SLC8A1: variants seen among roughly 807,000 people sequenced by gnomAD.
SLC8A1 encodes the protein solute carrier family 8 member A1, also known as sodium/calcium exchanger 1.
A neutral mutation model predicts 68.3 loss-of-function variants in SLC8A1; 18 were observed. The ratio of observed to expected loss-of-function variants is 0.26; its 90% confidence interval spans 0.18 to 0.39. The LOEUF (loss-of-function observed/expected upper bound fraction) is 0.39, where lower values mean the gene tolerates loss of function less well. Ranked by LOEUF, SLC8A1 falls within the 10% of genes least tolerant of loss-of-function variation. SLC8A1 has a pLI of 1.00. For synonymous variants in SLC8A1, 475 were observed against 415.5 expected (o/e 1.14, Z -1.74); for missense variants, 985 against 1,156.7 (o/e 0.85, Z 2.15).
chr2:40,244,342 A>T (rs887328738), intron 2 of SLC8A1, among the ~76,000 whole-genome samples: 1 of 152,012 alleles, frequency 6.6e-6, no homozygotes, highest in African/African-American at 2.4e-5. Context: ...TTCCACATCT[A>T]TTATCTCTTT....
chr2:40,127,066 C>G (rs1008378067), intron 7 of SLC8A1, among the ~76,000 whole-genome samples: 2 of 152,084 alleles, frequency 1.3e-5, no homozygotes, highest in Non-Finnish European at 2.9e-5. Flanking sequence ...GGAGGAAAAA[C>G]CACTTGAAAA....
intron 2 of SLC8A1, among the ~76,000 whole-genome samples, chr2:40,257,346 A>C (rs1320619782): frequency 6.6e-6 from 1 of 152,084 alleles, no homozygotes; most frequent in Admixed American, 6.6e-5. Flanking sequence ...GATGGTCCCA[A>C]ATCAGAGGAA....
At chr2:40,269,237 T>C (rs761021280) in intron 2 of SLC8A1, among the ~76,000 whole-genome samples, 3 of 152,218 alleles carry the variant, frequency 2.0e-5, no homozygotes, top group Non-Finnish European at 2.9e-5. Context: ...TATAATAACA[T>C]AGCTTATTCT....
intron 2 of SLC8A1, among the ~76,000 whole-genome samples, chr2:40,416,574 A>G (rs1693956197): frequency 6.6e-6 from 1 of 152,142 alleles, no homozygotes; most frequent in African/African-American, 2.4e-5. Context: ...TTGAGATGGA[A>G]GAAAACCCAT....
chr2:40,424,582 G>A (rs897438274), intron 2 of SLC8A1, among the ~76,000 whole-genome samples: 1 of 151,754 alleles, frequency 6.6e-6, no homozygotes, highest in Non-Finnish European at 1.5e-5. Context: ...AGTTAATGAA[G>A]TTACAACTAC....
chr2:40,244,975 A>G (rs2061670256), intron 2 of SLC8A1, among the ~76,000 whole-genome samples: 1 of 152,176 alleles, frequency 6.6e-6, no homozygotes, highest in Non-Finnish European at 1.5e-5. Context: ...TAGGAAATCA[A>G]AAACCATTTG....
intron 2 of SLC8A1, among the ~76,000 whole-genome samples, chr2:40,212,677 A>G (rs557844978): frequency 1.7e-4 from 26 of 152,208 alleles, no homozygotes; most frequent in Non-Finnish European, 3.1e-4. Context: ...CACCTCAAAG[A>G]AAGCAAGATG....
intron 1 of SLC8A1, among the ~76,000 whole-genome samples, chr2:40,466,906 C>T (rs1703706438): frequency 6.8e-6 from 1 of 147,784 alleles, no homozygotes; most frequent in South Asian, 2.1e-4. Flanking sequence ...GCCAAGAGAG[C>T]ATTAAATATA....
chr2:40,273,238 G>C (rs112679410), intron 2 of SLC8A1, among the ~76,000 whole-genome samples: 7,195 of 151,696 alleles, frequency 0.047, 538 homozygotes, highest in African/African-American at 0.16. Context: ...ACCATGCCTG[G>C]CCCTCCAAAT....
intron 2 of SLC8A1, among the ~76,000 whole-genome samples, chr2:40,321,466 C>G (rs78698959): frequency 6.6e-6 from 1 of 152,064 alleles, no homozygotes; most frequent in Non-Finnish European, 1.5e-5. Flanking sequence ...TGGGTCCTTA[C>G]TATCTGTATT....
At chr2:40,117,443 T>C (rs2035722076) in intron 7 of SLC8A1, among the ~76,000 whole-genome samples, 1 of 140,114 alleles carries the variant, frequency 7.1e-6, no homozygotes, top group African/African-American at 2.6e-5. Context: ...TACACACCTG[T>C]AATCCCAGCT....
intron 2 of SLC8A1, among the ~76,000 whole-genome samples, chr2:40,229,743 A>C (rs1371005267): frequency 6.6e-6 from 1 of 152,152 alleles, no homozygotes; most frequent in Non-Finnish European, 1.5e-5. Flanking sequence ...AGCCAGGCAA[A>C]ATTCGTGTGC....
chr2:40,456,094 A>T (rs1186890074), upstream of SLC8A1, among the ~76,000 whole-genome samples: 1 of 152,138 alleles, frequency 6.6e-6, no homozygotes. Context: ...AGGCGGGTGG[A>T]TCACGAGGTC....
intron 7 of SLC8A1, among the ~76,000 whole-genome samples, chr2:40,125,907 C>T (rs2037985074): frequency 1.3e-5 from 2 of 152,076 alleles, no homozygotes; most frequent in South Asian, 4.1e-4. Context: ...TTAAATATCT[C>T]TTATTTTTAT....
Position 40,290,802 on chromosome 2 carries a change from A to T in SLC8A1, c.1809-112947T>A, listed in dbSNP as rs565984665. Among the ~76,000 whole-genome samples, 6 of 152,282 alleles carry T rather than the reference A, an allele frequency of 3.9e-5. No homozygotes were observed. In the South Asian group the frequency reaches 1.2e-3, roughly 32 times the overall value. On this transcript the variant is annotated intron_variant, in intron 2 of 7. Coordinates refer to ENST00000406785, the Ensembl canonical transcript of SLC8A1. ...TTAGATGTTTGGAAGTCCTATATGCATATCCCATATGGATATTTCAGTCTA... is the reference window on the plus strand; with the variant it reads ...TTAGATGTTTGGAAGTCCTATATGCTTATCCCATATGGATATTTCAGTCTA...
chr2:40,129,284 G>T (rs1426608482), intron 7 of SLC8A1, among the ~76,000 whole-genome samples: 1 of 150,484 alleles, frequency 6.6e-6, no homozygotes, highest in African/African-American at 2.5e-5. Flanking sequence ...GAGGCTGAGT[G>T]TGATGGCATG....
chr2:40,491,058 C>G lies in SLC8A1; in HGVS notation c.-25+21291G>C, dbSNP rs1166763060. Reference sequence around the variant, plus strand: ...AGTGTCTCTCTCTCTATAAAAAGGCCAATATTTGAAAACATTACTTGTTTC... The same window carrying G: ...AGTGTCTCTCTCTCTATAAAAAGGCGAATATTTGAAAACATTACTTGTTTC... On this transcript the variant is annotated intron_variant, in intron 1 of 7. Transcript: ENST00000402441. Among the ~76,000 whole-genome samples the G allele has an allele frequency of 2.6e-5, 4 of 151,998 alleles. No individual in the cohort carries two copies. In the East Asian group the frequency reaches 7.7e-4, roughly 29 times the overall value.
intron 1 of SLC8A1, among the ~76,000 whole-genome samples, chr2:40,449,904 GACA>G (rs763662762): frequency 7.4e-4 from 113 of 152,116 alleles, no homozygotes; most frequent in African/African-American, 2.4e-3. Context: ...TTTAAAAAAA[GACA>G]ACAACCATTT....
intron 2 of SLC8A1, among the ~76,000 whole-genome samples, chr2:40,367,833 C>G (rs554837201): frequency 3.3e-5 from 5 of 152,214 alleles, no homozygotes; most frequent in East Asian, 1.9e-4. Context: ...CGTAACACCA[C>G]TGACTCACAT....
Sources: allele counts gnomAD v4.1 joint callset (sites outside exome capture counted in the v4.1 genomes callset), GRCh38; gene constraint gnomAD v4.1.1; transcripts MANE v1.5; gene names NCBI Gene and HGNC (gene_info 2026-07-23, HGNC 2026-07-21).